FRY: variants seen among roughly 807,000 people sequenced by gnomAD.
The protein encoded by FRY is protein furry homolog.
FRY carries 128 observed loss-of-function variants against 348.4 expected under a neutral mutation model. The ratio of observed to expected loss-of-function variants is 0.37; its 90% CI spans 0.32 to 0.43. The LOEUF (loss-of-function observed/expected upper bound fraction) is 0.43. FRY is among the 20% of genes least tolerant of loss of function. The pLI is 1.00. For synonymous variants in FRY, 1,370 were observed against 1,374.7 expected (o/e 1.00, Z 0.08); for missense variants, 2,736 against 3,695.2 (o/e 0.74, Z 6.73).
chr13:32,181,242 A>G (rs78045562), intron 23 of FRY, among the ~76,000 whole-genome samples: 5,844 of 152,152 alleles, frequency 0.038, 371 homozygotes, highest in African/African-American at 0.13. Context: ...GTAGGTTACC[A>G]GTTAACCAGA....
rs763076066 is a variant in FRY at position 32,157,408 on chromosome 13, GAGTAC to G, written c.1784+8_1784+12del. On this transcript the variant is annotated splice_donor_5th_base_variant and intron_variant, in intron 16 of 60. Coordinates refer to ENST00000542859, the MANE Select transcript of FRY (RefSeq NM_023037.3). ...AAAGAACCGGAAGACATGATCACGTGAGTACAGTAAAGACTAAGTTATCAGTGAAA... is the reference window on the plus strand; with the variant it reads ...AAAGAACCGGAAGACATGATCACGTGAGTAAAGACTAAGTTATCAGTGAAA... The G allele has an allele frequency of 2.5e-6, 4 of 1,612,398 alleles. No individual in the cohort carries two copies. The highest frequency in any genetic ancestry group is 2.2e-5 in the East Asian group (1 of 44,786).
At chr13:32,043,470 G>A (rs1480863832) in intron 1 of FRY, among the ~76,000 whole-genome samples, 1 of 152,168 alleles carries the variant, frequency 6.6e-6, no homozygotes, top group Non-Finnish European at 1.5e-5. Context: ...ATTTCCTCTG[G>A]TCTTTACCAT....
At chr13:32,251,123 G>A (rs1887056893) in intron 49 of FRY, among the ~76,000 whole-genome samples, 2 of 152,160 alleles carry the variant, frequency 1.3e-5, no homozygotes, top group African/African-American at 2.4e-5. Context: ...CAGATTAAAG[G>A]GGGGAGAATC....
chr13:32,290,286 T>C (rs1289995418), intron 59 of FRY, among the ~76,000 whole-genome samples: 1 of 152,140 alleles, frequency 6.6e-6, no homozygotes, highest in Non-Finnish European at 1.5e-5. Flanking sequence ...GAAATACTAC[T>C]GTAATGTAGT....
chr13:32,097,518 A>G (rs1876823346), intron 2 of FRY, among the ~76,000 whole-genome samples: 1 of 151,394 alleles, frequency 6.6e-6, no homozygotes, highest in African/African-American at 2.4e-5. Context: ...CCGCCACCAC[A>G]CTCAGCTAAT....
chr13:32,202,657 T>G, intron 31 of FRY, 130 bp downstream of exon 31: 1 of 891,016 alleles, frequency 1.1e-6, no homozygotes, highest in Non-Finnish European at 1.8e-6. Context: ...TAGTTTAATT[T>G]TAGAGTTATG....
At chr13:32,172,201 T>A (rs960203045) in intron 18 of FRY, among the ~76,000 whole-genome samples, 1 of 151,918 alleles carries the variant, frequency 6.6e-6, no homozygotes, top group Admixed American at 6.6e-5. Context: ...GATGTAGATA[T>A]GGATTTGGAT....
chr13:32,155,574 A>G lies in FRY; in HGVS notation c.1563A>G (p.Thr521=), dbSNP rs1217194409. 3 of 1,613,326 alleles carry G rather than the reference A, an allele frequency of 1.9e-6. No individual in the cohort carries two copies. The highest frequency in any genetic ancestry group is 2.5e-6 in the Non-Finnish European group (3 of 1,179,228). ...QKDGEPPMPV[T]GAVLPSGNTL... ...ATGGGGAACCTCCCATGCCGGTTAC[A>G]GGAGCCGTTCTTCCTTCAGGAAACA... Residue 521 remains threonine (T), a synonymous_variant, in exon 15 of 61, where the codon ACA becomes ACG. Coordinates refer to ENST00000542859, the MANE Select transcript of FRY (RefSeq NM_023037.3).
At chr13:32,153,913 T>C (rs1450198054) in intron 14 of FRY, among the ~76,000 whole-genome samples, 2 of 152,118 alleles carry the variant, frequency 1.3e-5, no homozygotes, top group African/African-American at 4.8e-5. Context: ...TGATGAACTA[T>C]ATGAAACTTA....
intron 1 of FRY, among the ~76,000 whole-genome samples, chr13:32,059,433 A>G (rs1436095611): frequency 6.8e-6 from 1 of 147,614 alleles, no homozygotes; most frequent in East Asian, 2.0e-4. Context: ...AGATTTGTGC[A>G]CTACTGTCTC....
At chr13:32,163,412 C>T (rs1050831695) in intron 17 of FRY, among the ~76,000 whole-genome samples, 2 of 152,332 alleles carry the variant, frequency 1.3e-5, no homozygotes, top group South Asian at 2.1e-4. Flanking sequence ...TCAAGCCTAT[C>T]CTTTTCCCAT....
At position 32,132,660 on chromosome 13, in the gene FRY, G is replaced by C. The variant is rs571248896; in HGVS notation, c.885+820G>C. Among the ~76,000 whole-genome samples the C allele has an allele frequency of 5.9e-5, 9 of 152,236 alleles. No homozygotes were observed. In the East Asian group the frequency reaches 9.7e-4, roughly 16 times the overall value. On this transcript the variant is annotated intron_variant, in intron 8 of 60. Transcript: ENST00000542859. ...TCAAATAGCAAAACCTAGAATTACCGTATGATCCAGCAATTCCACTCCTAG... is the reference window on the plus strand; with the variant it reads ...TCAAATAGCAAAACCTAGAATTACCCTATGATCCAGCAATTCCACTCCTAG...
intron 1 of FRY, among the ~76,000 whole-genome samples, chr13:32,069,950 G>C (rs1381272679): frequency 6.6e-6 from 1 of 150,732 alleles, no homozygotes; most frequent in Non-Finnish European, 1.5e-5. Context: ...ACCTATGAGT[G>C]AGAACATGCA....
At chr13:32,189,591 A>T (rs1229068713) in intron 28 of FRY, among the ~76,000 whole-genome samples, 2 of 149,478 alleles carry the variant, frequency 1.3e-5, no homozygotes, top group Non-Finnish European at 2.9e-5. Context: ...TTACAATACT[A>T]AAAAAAATCA....
intron 2 of FRY, chr13:32,086,143 G>A (rs578218263): frequency 6.4e-5 from 25 of 390,024 alleles, no homozygotes; most frequent in African/African-American, 2.7e-4. Flanking sequence ...AATAAGAACC[G>A]CATAATGGCC....
chr13:32,263,766 C>T (rs1255120379), intron 53 of FRY, among the ~76,000 whole-genome samples: 2 of 152,116 alleles, frequency 1.3e-5, no homozygotes, highest in Admixed American at 6.5e-5. Flanking sequence ...CCCAGCACTT[C>T]GGGAGGCCGA....
chr13:32,077,375 G>A (rs1312824711), intron 1 of FRY, among the ~76,000 whole-genome samples: 3 of 152,174 alleles, frequency 2.0e-5, no homozygotes, highest in Non-Finnish European at 4.4e-5. Context: ...AGGTCTCCAA[G>A]GGCTTGGATA....
intron 17 of FRY, among the ~76,000 whole-genome samples, chr13:32,168,389 A>G (rs959630651): frequency 6.6e-6 from 1 of 152,312 alleles, no homozygotes; most frequent in Non-Finnish European, 1.5e-5. Context: ...CTCAAAGTCC[A>G]CTGATTTAAA....
intron 2 of FRY, among the ~76,000 whole-genome samples, chr13:32,094,813 A>G (rs1422362469): frequency 1.3e-5 from 2 of 152,318 alleles, no homozygotes; most frequent in East Asian, 1.9e-4. Flanking sequence ...CAGAGCTGCA[A>G]CAAATGTGGG....
Sources: gnomAD v4.1 joint callset for allele counts (sites outside exome capture counted in the v4.1 genomes callset) on GRCh38, gnomAD v4.1.1 for gene constraint, MANE v1.5 for transcripts, NCBI Gene and HGNC (gene_info 2026-07-23, HGNC 2026-07-21) for gene names.